TENM3: variants seen among roughly 807,000 people sequenced by gnomAD.
TENM3 encodes teneurin transmembrane protein 3.
TENM3 carries 63 observed loss-of-function variants against 255.1 expected under a neutral mutation model. The observed-to-expected ratio is 0.25, with a 90% CI of 0.20 to 0.30. The LOEUF is 0.30. TENM3 is among the 10% of genes least tolerant of loss of function. The pLI, the probability that TENM3 is intolerant of heterozygous loss-of-function variation, is 1.00. For missense variants in TENM3, 2,929 were observed against 3,461.1 expected, an observed-to-expected ratio of 0.85 and a Z score of 3.86; for synonymous variants, 1,306 against 1,322.3, an observed-to-expected ratio of 0.99 and a Z score of 0.27.
the TENM3 span, among the ~76,000 whole-genome samples, chr4:181,844,548 G>A: frequency 3.9e-5 from 6 of 151,940 alleles, no homozygotes; most frequent in Middle Eastern, 6.8e-3. Flanking sequence ...GGCGCCTGTA[G>A]TCCCAGCTAC....
intron 3 of TENM3, among the ~76,000 whole-genome samples, chr4:182,347,367 G>A (rs1580240303): frequency 6.6e-6 from 1 of 152,298 alleles, no homozygotes; most frequent in South Asian, 2.1e-4. Context: ...CAAAGAAGTT[G>A]CAAAATCTTA....
the TENM3 span, among the ~76,000 whole-genome samples, chr4:181,533,572 A>G: frequency 6.6e-6 from 1 of 152,030 alleles, no homozygotes; most frequent in Non-Finnish European, 1.5e-5. Context: ...TGGGCATACG[A>G]TCTTCCACTG....
chr4:181,950,556 C>T, the TENM3 span, among the ~76,000 whole-genome samples: 1 of 152,164 alleles, frequency 6.6e-6, no homozygotes, highest in Non-Finnish European at 1.5e-5. Flanking sequence ...TCCATGAAGG[C>T]ACTTGGTCTG....
At chr4:181,816,580 C>T in the TENM3 span, among the ~76,000 whole-genome samples, 1 of 152,168 alleles carries the variant, frequency 6.6e-6, no homozygotes, top group African/African-American at 2.4e-5. Context: ...CTCCATCTGG[C>T]TTTCTTGAAG....
intron 6 of TENM3, among the ~76,000 whole-genome samples, chr4:182,656,297 G>C (rs910688096): frequency 2.3e-4 from 35 of 152,196 alleles, no homozygotes; most frequent in African/African-American, 7.7e-4. Flanking sequence ...TGTCCAAAGA[G>C]TGACCTAACT....
chr4:181,503,729 G>A, the TENM3 span, among the ~76,000 whole-genome samples: 6 of 152,252 alleles, frequency 3.9e-5, no homozygotes, highest in Non-Finnish European at 5.9e-5. Context: ...GTTAGTTTCC[G>A]CCAAATTATC....
chr4:182,387,896 C>A (rs554908283), intron 3 of TENM3, among the ~76,000 whole-genome samples: 1 of 148,998 alleles, frequency 6.7e-6, no homozygotes, highest in Non-Finnish European at 1.5e-5. Context: ...CCCACCAATT[C>A]CGGACACAAT....
chr4:182,245,606 C>T (rs567055200), intron 1 of TENM3, among the ~76,000 whole-genome samples: 1 of 152,270 alleles, frequency 6.6e-6, no homozygotes, highest in East Asian at 1.9e-4. Context: ...CCACATGTTA[C>T]TTCCATTCTT....
At chr4:182,560,080 G>A (rs1028041156) in intron 3 of TENM3, among the ~76,000 whole-genome samples, 1 of 137,676 alleles carries the variant, frequency 7.3e-6, no homozygotes, top group Admixed American at 7.3e-5. Context: ...TTAAAAAAAG[G>A]TTTTTTTTTT....
chr4:182,111,956 A>G, the TENM3 span, among the ~76,000 whole-genome samples: 1 of 152,120 alleles, frequency 6.6e-6, no homozygotes, highest in Non-Finnish European at 1.5e-5. Flanking sequence ...GAAAAATTCC[A>G]TCCATGGTAT....
chr4:181,548,757 A>G, the TENM3 span, among the ~76,000 whole-genome samples: 1 of 152,172 alleles, frequency 6.6e-6, no homozygotes, highest in African/African-American at 2.4e-5. Context: ...GCAAGGAAAC[A>G]TTTTAAAGTA....
At chr4:182,441,644 C>T (rs1266542273) in intron 3 of TENM3, among the ~76,000 whole-genome samples, 2 of 152,118 alleles carry the variant, frequency 1.3e-5, no homozygotes, top group East Asian at 1.9e-4. Context: ...ACTACAGGCA[C>T]GTGCCACCAC....
intron 6 of TENM3, among the ~76,000 whole-genome samples, chr4:182,659,448 A>G (rs988790694): frequency 6.6e-6 from 1 of 152,232 alleles, no homozygotes; most frequent in Non-Finnish European, 1.5e-5. Flanking sequence ...GAAAAAATAT[A>G]GTATATATAG....
the TENM3 span, among the ~76,000 whole-genome samples, chr4:182,054,216 C>T: frequency 1.3e-5 from 2 of 152,180 alleles, no homozygotes; most frequent in Non-Finnish European, 2.9e-5. Context: ...CCTCTCCCTT[C>T]TCTCCTCCTG....
chr4:181,615,620 T>C, the TENM3 span, among the ~76,000 whole-genome samples: 1 of 152,130 alleles, frequency 6.6e-6, no homozygotes, highest in Non-Finnish European at 1.5e-5. Flanking sequence ...TCCCAGCAGC[T>C]CAAAATGCAT....
chr4:182,680,241 T>G lies in TENM3; in HGVS notation c.1538-7T>G, dbSNP rs1297582841. ...CAACAAGTGTTCCTTCTTTCCTTTT[T>G]CTTCAGAGTCTGTGGTGGAATGTCC... On this transcript the variant is annotated splice_polypyrimidine_tract_variant and splice_region_variant and intron_variant, in intron 8 of 27. Transcript: ENST00000511685. 4 of 1,603,568 alleles carry G rather than the reference T, an allele frequency of 2.5e-6. No homozygotes were observed. The highest frequency in any genetic ancestry group is 1.3e-5 in the African/African-American group (1 of 74,766).
the TENM3 span, among the ~76,000 whole-genome samples, chr4:181,502,175 A>G: frequency 6.6e-6 from 1 of 152,262 alleles, no homozygotes; most frequent in Non-Finnish European, 1.5e-5. Context: ...TCTATGTGAT[A>G]CTATAATGGC....
intron 3 of TENM3, among the ~76,000 whole-genome samples, chr4:182,416,970 T>G (rs529676761): frequency 2.6e-5 from 4 of 152,082 alleles, no homozygotes; most frequent in Non-Finnish European, 5.9e-5. Flanking sequence ...TTACATTTTC[T>G]TTGTTGTTGT....
At chr4:181,933,399 T>C in the TENM3 span, among the ~76,000 whole-genome samples, 1 of 152,204 alleles carries the variant, frequency 6.6e-6, no homozygotes, top group Non-Finnish European at 1.5e-5. Context: ...TTGGTTGTCA[T>C]GAATAAACTA....
Sources: gnomAD v4.1 joint callset for allele counts (sites outside exome capture counted in the v4.1 genomes callset) on GRCh38, gnomAD v4.1.1 for gene constraint, MANE v1.5 for transcripts, NCBI Gene and HGNC (gene_info 2026-07-23, HGNC 2026-07-21) for gene names.